NELL1: variants seen among roughly 807,000 people sequenced by gnomAD.
NELL1 encodes the protein neural EGFL like 1.
A neutral mutation model predicts 107.4 loss-of-function variants in NELL1; 76 were observed. That is an observed-to-expected ratio of 0.71 (90% confidence interval 0.59 to 0.86). The LOEUF (loss-of-function observed/expected upper bound fraction) is 0.86, where lower values mean the gene tolerates loss of function less well. NELL1 is among the 40% of genes least tolerant of loss of function. The pLI, the probability that NELL1 is intolerant of heterozygous loss-of-function variation, is 0.00. For missense variants in NELL1, 1,024 were observed against 1,005.5 expected (o/e 1.02, Z -0.25); for synonymous variants, 353 against 341.2 (o/e 1.03, Z -0.38).
At chr11:20,922,203 A>G (rs771930454) in intron 7 of NELL1, among the ~76,000 whole-genome samples, 2 of 152,098 alleles carry the variant, frequency 1.3e-5, no homozygotes, top group Non-Finnish European at 2.9e-5. Context: ...CTGTGCAACC[A>G]TCAGGGTGGA....
chr11:20,681,595 A>G (rs1185386350), intron 2 of NELL1, among the ~76,000 whole-genome samples: 1 of 152,138 alleles, frequency 6.6e-6, no homozygotes, highest in Non-Finnish European at 1.5e-5. Flanking sequence ...TATTTGTTAC[A>G]GCAGCACCCC....
chr11:21,062,781 C>T (rs1419565527), intron 12 of NELL1, among the ~76,000 whole-genome samples: 3 of 152,004 alleles, frequency 2.0e-5, no homozygotes, highest in Non-Finnish European at 4.4e-5. Flanking sequence ...GCAAGTTCTA[C>T]AGTTATGATT....
intron 14 of NELL1, among the ~76,000 whole-genome samples, chr11:21,295,313 T>G (rs2133964943): frequency 6.6e-6 from 1 of 152,120 alleles, no homozygotes; most frequent in South Asian, 2.1e-4. Flanking sequence ...AACTAGATAT[T>G]TGTGAACGAA....
At chr11:20,679,508 G>GT (rs1854140665) in intron 2 of NELL1, among the ~76,000 whole-genome samples, 1 of 152,192 alleles carries the variant, frequency 6.6e-6, no homozygotes, top group Non-Finnish European at 1.5e-5. Context: ...GTAATTATAT[G>GT]TAACAAGACT....
chr11:21,160,920 A>G (rs770805104), intron 13 of NELL1, among the ~76,000 whole-genome samples: 6 of 151,880 alleles, frequency 4.0e-5, no homozygotes, highest in African/African-American at 7.3e-5. Context: ...CTGATTTTAA[A>G]TAACTTACTT....
At chr11:21,440,502 T>G (rs549012603) in intron 15 of NELL1, among the ~76,000 whole-genome samples, 1 of 152,196 alleles carries the variant, frequency 6.6e-6, no homozygotes, top group South Asian at 2.1e-4. Context: ...CAGGCTCTTG[T>G]CAATTAAATT....
chr11:20,898,657 G>T (rs1450001363), intron 5 of NELL1, among the ~76,000 whole-genome samples: 19 of 150,430 alleles, frequency 1.3e-4, no homozygotes, highest in Admixed American at 9.9e-4. Context: ...GCAGGACTAA[G>T]ATGCTATTTC....
chr11:20,920,897 C>A (rs1850362977), intron 7 of NELL1, among the ~76,000 whole-genome samples: 1 of 145,892 alleles, frequency 6.9e-6, no homozygotes, highest in Admixed American at 6.6e-5. Context: ...ATTTTTTAAT[C>A]CATCTTCTAA....
chr11:21,359,305 A>G (rs960485339), intron 14 of NELL1, among the ~76,000 whole-genome samples: 1 of 152,224 alleles, frequency 6.6e-6, no homozygotes, highest in South Asian at 2.1e-4. Context: ...ATGTTAAACC[A>G]TCCCTACATC....
At chr11:21,477,405 C>T (rs866168969) in intron 15 of NELL1, among the ~76,000 whole-genome samples, 5 of 152,006 alleles carry the variant, frequency 3.3e-5, no homozygotes, top group South Asian at 2.1e-4. Context: ...CCTTATAATT[C>T]AGGAAATTTT....
At chr11:20,995,851 G>A (rs2896623) in intron 12 of NELL1, among the ~76,000 whole-genome samples, 18,840 of 152,106 alleles carry the variant, frequency 0.12, 1,333 homozygotes, top group South Asian at 0.3. Context: ...GGAATGCTAC[G>A]GAATTTAAGT....
chr11:20,735,169 G>A (rs1303674007), intron 2 of NELL1, among the ~76,000 whole-genome samples: 1 of 152,166 alleles, frequency 6.6e-6, no homozygotes, highest in East Asian at 1.9e-4. Context: ...GTTTAAGGTG[G>A]TGAGCAGTCG....
At chr11:20,853,042 A>C (rs1279257746) in intron 4 of NELL1, among the ~76,000 whole-genome samples, 1 of 152,202 alleles carries the variant, frequency 6.6e-6, no homozygotes, top group Non-Finnish European at 1.5e-5. Flanking sequence ...GTGAAAATGC[A>C]TGACAATCTC....
chr11:21,376,428 A>G (rs186921951), intron 15 of NELL1, among the ~76,000 whole-genome samples: 20 of 152,130 alleles, frequency 1.3e-4, no homozygotes, highest in African/African-American at 4.3e-4. Flanking sequence ...TACAAGTACC[A>G]TGCTGTTTTG....
intron 15 of NELL1, among the ~76,000 whole-genome samples, chr11:21,443,207 G>A (rs558274125): frequency 1.2e-4 from 18 of 152,136 alleles, no homozygotes; most frequent in Admixed American, 3.3e-4. Context: ...CAAACTCATC[G>A]TTTTATGAGG....
intron 15 of NELL1, among the ~76,000 whole-genome samples, chr11:21,451,574 C>T (rs1853587721): frequency 6.6e-6 from 1 of 151,870 alleles, no homozygotes; most frequent in Admixed American, 6.6e-5. Flanking sequence ...TGTTCAGTCC[C>T]AGAAAGAAAT....
intron 13 of NELL1, among the ~76,000 whole-genome samples, chr11:21,225,670 A>T (rs1377741): frequency 0.48 from 72,403 of 151,790 alleles, 17,566 homozygotes; most frequent in Middle Eastern, 0.53. Context: ...ATCTGTCTCA[A>T]TTCAGTTGTA....
At position 20,843,413 on chromosome 11, in the gene NELL1, C is replaced by A. The variant is rs183883072; in HGVS notation, c.336-4170C>A. 1.9e-3 allele frequency among the ~76,000 whole-genome samples: 284 copies of A among 152,080 alleles called. 1 individual carries two copies. Among genetic ancestry groups the A allele is most frequent in the African/African-American group, 6.5e-3 (270 of 41,496 alleles). The stretch of plus-strand genomic sequence containing the variant: ...AGAATAACTGGAAAAGAGACCTTTT[C>A]TAAGAAATGTTTTACCTTTACTTGT... On this transcript the variant is annotated intron_variant, in intron 3 of 19. Transcript: ENST00000357134.
chr11:20,705,870 C>T (rs564825323), intron 2 of NELL1, among the ~76,000 whole-genome samples: 1 of 152,018 alleles, frequency 6.6e-6, no homozygotes, highest in African/African-American at 2.4e-5. Flanking sequence ...TGAACAGACA[C>T]TTCTCATAAG....
Sources: allele counts gnomAD v4.1 joint callset (sites outside exome capture counted in the v4.1 genomes callset), GRCh38; gene constraint gnomAD v4.1.1; transcripts MANE v1.5; gene names NCBI Gene and HGNC (gene_info 2026-07-23, HGNC 2026-07-21).